Variants in SPATA12 observed in about 807,000 individuals in gnomAD.
SPATA12 encodes spermatogenesis-associated protein 12.
For synonymous variants in SPATA12, 85 were observed against 89.2 expected, an observed-to-expected ratio of 0.95 and a Z score of 0.26; for missense variants, 219 against 226.4, an observed-to-expected ratio of 0.97 and a Z score of 0.21.
In SPATA12 at chr3:57,074,484, T is replaced by C; in HGVS notation, c.*217T>C. 1 of 586,674 alleles carries C rather than the reference T, an allele frequency of 1.7e-6. No homozygotes were observed. The allele number at this position is 586,674 out of a possible 1,614,324, so 36.3% of individuals were successfully genotyped here. A position where few individuals can be genotyped will look rare whatever the true frequency, so the allele number is the denominator to read the frequency against. On this transcript the variant is annotated 3_prime_UTR_variant, in exon 2 of 2. Transcript: ENST00000334325. The stretch of plus-strand genomic sequence containing the variant: ...TCAAGATTCAGAAAGGTTAAGTTAC[T>C]GGCACAAGGTCACACAATCCAGATC...
chr3:57,072,938 C>T (rs1052652678), intron 1 of SPATA12, among the ~76,000 whole-genome samples: 11 of 150,008 alleles, frequency 7.3e-5, no homozygotes, highest in East Asian at 2.0e-4. Flanking sequence ...CCCAGCTACT[C>T]GGGAGGCTGA....
chr3:57,070,460 C>T (rs747571577), intron 1 of SPATA12, among the ~76,000 whole-genome samples: 1 of 152,150 alleles, frequency 6.6e-6, no homozygotes, highest in African/African-American at 2.4e-5. Flanking sequence ...TCAGCAGACT[C>T]AATGACTAGG....
chr3:57,071,081 C>T (rs1369253196), intron 1 of SPATA12, among the ~76,000 whole-genome samples: 1 of 151,790 alleles, frequency 6.6e-6, no homozygotes, highest in East Asian at 1.9e-4. Flanking sequence ...GTAGTCAAGA[C>T]AGTATAGACA....
At chr3:57,066,043 A>AC (rs1371818249) in intron 1 of SPATA12, among the ~76,000 whole-genome samples, 1 of 138,994 alleles carries the variant, frequency 7.2e-6, no homozygotes, top group Non-Finnish European at 1.5e-5. Flanking sequence ...TCCAAAACAA[A>AC]AAAAAAAAAC....
Position 57,073,980 on chromosome 3 carries a change from G to C in SPATA12, c.286G>C (p.Val96Leu), listed in dbSNP as rs764779294. The change falls in exon 2 of 2, where the codon GTA becomes CTA. Residue 96 changes from valine to leucine, a missense_variant. By Grantham distance (32) the Val-to-Leu change is conservative. Coordinates refer to ENST00000334325, the MANE Select transcript of SPATA12 (RefSeq NM_181727.2). Reference protein sequence around the residue: ...LQAAISLDIAVSQINLLGRPS... With the variant: ...LQAAISLDIALSQINLLGRPS... ...AGCAGCCATCTCTCTTGACATCGCT[G>C]TATCCCAAATAAATCTTCTGGGAAG... 5.0e-6 allele frequency: 8 copies of C among 1,614,110 alleles called. No individual in the cohort carries two copies. Among genetic ancestry groups the C allele is most frequent in the Non-Finnish European group, 6.8e-6 (8 of 1,180,058 alleles).
At chr3:57,067,061 T>C (rs1006108907) in intron 1 of SPATA12, among the ~76,000 whole-genome samples, 3 of 152,240 alleles carry the variant, frequency 2.0e-5, no homozygotes, top group African/African-American at 7.2e-5. Context: ...ATAGAAATTG[T>C]CTGTAAGGAC....
chr3:57,072,343 TA>T (rs1457668472), intron 1 of SPATA12, among the ~76,000 whole-genome samples: 5 of 151,028 alleles, frequency 3.3e-5, no homozygotes, highest in Non-Finnish European at 7.4e-5. Context: ...CCAGGGCAGG[TA>T]AAAGAGAGGA....
chr3:57,066,411 G>A lies in SPATA12; in HGVS notation c.-330+5625G>A, dbSNP rs188317191. 1.3e-3 allele frequency among the ~76,000 whole-genome samples: 200 copies of A among 152,132 alleles called. 4 individuals carry two copies. The East Asian group carries it at 0.035, about 26-fold the overall frequency. ...CAAGTAGCTGGGATTGCAGGCACCC[G>A]CCACCATGCCTGGCTTAATTTTTGT... On this transcript the variant is annotated intron_variant, in intron 1 of 1. Transcript: ENST00000334325.
intron 1 of SPATA12, among the ~76,000 whole-genome samples, chr3:57,070,904 C>T (rs547134854): frequency 1.8e-4 from 26 of 146,244 alleles, no homozygotes; most frequent in South Asian, 4.3e-4. Context: ...CCCAGGAGGT[C>T]GAGGCTACAG....
intron 1 of SPATA12, among the ~76,000 whole-genome samples, chr3:57,070,174 T>C (rs1301974431): frequency 2.6e-5 from 4 of 152,176 alleles, no homozygotes; most frequent in Non-Finnish European, 5.9e-5. Context: ...GGTCTCCCAG[T>C]TCCCACCACA....
chr3:57,065,771 G>A (rs928802551), intron 1 of SPATA12, among the ~76,000 whole-genome samples: 1 of 152,166 alleles, frequency 6.6e-6, no homozygotes, highest in Non-Finnish European at 1.5e-5. Context: ...GAACAGGAGA[G>A]GCAAGGTCAT....
rs1233108310 is a variant in SPATA12 at position 57,074,032 on chromosome 3, T to G, written c.338T>G (p.Ile113Arg). 1 of 1,614,214 alleles carries G rather than the reference T, an allele frequency of 6.2e-7. No homozygotes were observed. Among genetic ancestry groups the G allele is most frequent in the South Asian group, 1.1e-5 (1 of 91,082 alleles). Residue 113 changes from isoleucine (I) to arginine (R), a missense_variant, in exon 2 of 2, where the codon ATA becomes AGA. Physicochemically the swap from Ile to Arg is moderately conservative, Grantham distance 97. Transcript: ENST00000334325. ...GRPSSPPALLIQQGSCEQVIH... is the reference protein window; with the variant it reads ...GRPSSPPALLRQQGSCEQVIH... ...CCCTCTTCACCTCCAGCTCTCCTGA[T>G]ACAGCAAGGCAGTTGTGAGCAAGTT...
chr3:57,073,882 C>T lies in SPATA12; in HGVS notation c.188C>T (p.Ala63Val), dbSNP rs145406847. 91 of 1,614,096 alleles carry T rather than the reference C, an allele frequency of 5.6e-5. No individual in the cohort carries two copies. The Middle Eastern group carries it at 1.8e-3, about 32-fold the overall frequency. ...CAGGGTCCAGGTGTCCTGCCAGGAGCAGCCTCTGCCCTCCCAGAGCTGACA... is the reference window on the plus strand; with the variant it reads ...CAGGGTCCAGGTGTCCTGCCAGGAGTAGCCTCTGCCCTCCCAGAGCTGACA... The part of the protein sequence containing the change: ...SCQGPGVLPG[A>V]ASALPELTFQ... Residue 63 changes from alanine (A) to valine (V), a missense_variant, in exon 2 of 2, where the codon GCA becomes GTA. By Grantham distance (64) the Ala-to-Val change is moderately conservative (BLOSUM62 0). Transcript: ENST00000334325.
chr3:57,066,695 G>A (rs1182730352), intron 1 of SPATA12, among the ~76,000 whole-genome samples: 1 of 152,212 alleles, frequency 6.6e-6, no homozygotes, highest in Non-Finnish European at 1.5e-5. Flanking sequence ...TTTCTGTGAA[G>A]GTATTTTTTA....
rs751261140 is a variant in SPATA12 at position 57,074,156 on chromosome 3, GC to G, written c.465del (p.Ser156ValfsTer11). 1.2e-6 allele frequency: 2 copies of G among 1,614,034 alleles called. No homozygotes were observed. Among genetic ancestry groups the G allele is most frequent in the East Asian group, 4.5e-5 (2 of 44,892 alleles). ...GACTGTGTGAGGATATAGATGCCGA[GC>G]CCAGTAGCACAGGGTGCAGCCGTTC... Reference protein sequence around the residue: ...WRLCEDIDAEPSSTGCSRSNQ... With the variant: ...WRLCEDIDAEXSSTGCSRSNQ... On this transcript the variant is annotated frameshift_variant, in exon 2 of 2. Coordinates refer to ENST00000334325, the MANE Select transcript of SPATA12 (RefSeq NM_181727.2). LOFTEE classifies it low-confidence loss of function (END_TRUNC).
chr3:57,067,470 A>C (rs544081086), intron 1 of SPATA12, among the ~76,000 whole-genome samples: 2 of 147,816 alleles, frequency 1.4e-5, no homozygotes, highest in Admixed American at 6.8e-5. Flanking sequence ...TAATAATAAT[A>C]ATAATAATAA....
chr3:57,068,168 T>TATACAC lies in SPATA12; in HGVS notation c.-329-5197_-329-5196insTACACA, dbSNP rs1553820865. On this transcript the variant is annotated intron_variant, in intron 1 of 1. Coordinates refer to ENST00000334325, the MANE Select transcript of SPATA12 (RefSeq NM_181727.2). ...ATTCAGATATGCGCGCACACACACA[T>TATACAC]ACACACACACACACACACACACCAG... Among the ~76,000 whole-genome samples, 5 of 149,094 alleles carry TATACAC rather than the reference T, an allele frequency of 3.4e-5. No individual in the cohort carries two copies. In the East Asian group the frequency reaches 9.9e-4, roughly 29 times the overall value.
At chr3:57,072,686 G>A (rs1230319389) in intron 1 of SPATA12, among the ~76,000 whole-genome samples, 1 of 143,532 alleles carries the variant, frequency 7.0e-6, no homozygotes, top group Non-Finnish European at 1.5e-5. Flanking sequence ...AGGTTGCAGT[G>A]AGCTGAGATA....
chr3:57,064,497 AT>A (rs1305232165), intron 1 of SPATA12, among the ~76,000 whole-genome samples: 2 of 151,960 alleles, frequency 1.3e-5, no homozygotes, highest in Admixed American at 1.3e-4. Context: ...AAATTGCTGT[AT>A]TTTTTGTAGA....
Sources: allele counts gnomAD v4.1 joint callset (sites outside exome capture counted in the v4.1 genomes callset), GRCh38; gene constraint gnomAD v4.1.1; transcripts MANE v1.5; gene names NCBI Gene and HGNC (gene_info 2026-07-23, HGNC 2026-07-21).